POMT2: variants seen among roughly 807,000 people sequenced by gnomAD.
The protein encoded by POMT2 is protein O-mannosyltransferase 2.
A neutral mutation model predicts 100.0 loss-of-function variants in POMT2; 75 were observed. That is an observed-to-expected ratio of 0.75 (90% CI 0.62 to 0.91). The LOEUF (loss-of-function observed/expected upper bound fraction) is 0.91. Among genes scored for constraint, POMT2 ranks in the 40% least tolerant of loss-of-function variants. The pLI is 0.00. For missense variants in POMT2, 940 were observed against 955.1 expected (o/e 0.98, Z 0.21); for synonymous variants, 378 against 374.1 (o/e 1.01, Z -0.12).
At chr14:77,297,779 C>T (rs1438070894) in intron 8 of POMT2, among the ~76,000 whole-genome samples, 1 of 152,176 alleles carries the variant, frequency 6.6e-6, no homozygotes, top group African/African-American at 2.4e-5. Context: ...GGCTGCCCCA[C>T]CATACCCAGC....
intron 1 of POMT2, chr14:77,319,442 G>A (rs781029440): frequency 5.9e-5 from 9 of 152,140 alleles, no homozygotes; most frequent in Non-Finnish European, 7.3e-5. Context: ...CAGATTGCTC[G>A]TGCCTCTACA....
At chr14:77,294,713 G>A (rs1003765232) in intron 9 of POMT2, among the ~76,000 whole-genome samples, 6 of 152,126 alleles carry the variant, frequency 3.9e-5, no homozygotes, top group Non-Finnish European at 5.9e-5. Flanking sequence ...GCCTTCCACC[G>A]GGGTTGTGAG....
rs529289681 is a variant in POMT2, at chr14:77,307,526, G to A, written c.334-1085C>T. On this transcript the variant is annotated intron_variant, in intron 2 of 20. Coordinates refer to ENST00000261534, the MANE Select transcript of POMT2 (RefSeq NM_013382.7). ...TAGCTAGATGAACTAAAGCTGCCAA[G>A]TGGCAATCAAATGGATCCCTCTTCC... Among the ~76,000 whole-genome samples, 4 of 152,348 alleles carry A rather than the reference G, an allele frequency of 2.6e-5. No individual in the cohort carries two copies. The South Asian group carries it at 6.2e-4, about 24-fold the overall frequency.
At chr14:77,281,004 G>A (rs2140171549) in intron 15 of POMT2, among the ~76,000 whole-genome samples, 1 of 152,190 alleles carries the variant, frequency 6.6e-6, no homozygotes, top group East Asian at 1.9e-4. Flanking sequence ...TGAGGCAGGA[G>A]AACCACTTGA....
Position 77,320,565 on chromosome 14 carries a change from C to T in POMT2, c.117G>A (p.Ala39=). The T allele has an allele frequency of 6.4e-7, 1 of 1,571,056 alleles. No homozygotes were observed. The highest frequency in any genetic ancestry group is 8.6e-7 in the Non-Finnish European group (1 of 1,165,286). Reference sequence around the variant, plus strand: ...CCCAAGCAGGCCGTTTGGGGCTTCGCGCCACAGCCTCAGCGGCCACGTCCC... The same window carrying T: ...CCCAAGCAGGCCGTTTGGGGCTTCGTGCCACAGCCTCAGCGGCCACGTCCC... ...AGRDVAAEAV[A]RSPKRPAWGS... Residue 39 remains alanine, a synonymous_variant, in exon 1 of 21, where the codon GCG becomes GCA. Coordinates refer to ENST00000261534, the MANE Select transcript of POMT2 (RefSeq NM_013382.7).
intron 2 of POMT2, chr14:77,308,827 C>A: frequency 2.3e-6 from 1 of 442,710 alleles, no homozygotes. Flanking sequence ...AGCTTGGCTG[C>A]TGGGAATTTT....
chr14:77,280,064 C>T lies in POMT2; in HGVS notation c.1742G>A (p.Gly581Glu). 6.2e-7 allele frequency: 1 copy of T among 1,613,890 alleles called. No homozygotes were observed. Among genetic ancestry groups the T allele is most frequent in the South Asian group, 1.1e-5 (1 of 91,084 alleles). ...GACTCGGAAATCTGTGTCATTGACC[C>T]CTGAGAAGCGTAGGCCCTGTGGAAT... ...PINYQGLRFS[G>E]VNDTDFRVYL... The change falls in exon 17 of 21, where the codon GGG (glycine) becomes GAG (glutamate). Residue 581 changes from glycine (G) to glutamate (E), a missense_variant. By Grantham distance (98) the Gly-to-Glu change is moderately conservative (BLOSUM62 -2). Transcript: ENST00000261534.
At chr14:77,315,284 A>T (rs376430038) in intron 1 of POMT2, among the ~76,000 whole-genome samples, 1 of 152,326 alleles carries the variant, frequency 6.6e-6, no homozygotes, top group African/African-American at 2.4e-5. Flanking sequence ...GTCGTGATGC[A>T]AGCCTAGTGA....
chr14:77,306,285 T>C, intron 3 of POMT2, 52 bp downstream of exon 3: 1 of 1,604,216 alleles, frequency 6.2e-7, no homozygotes, highest in Non-Finnish European at 8.5e-7. Context: ...ACATTTCTGG[T>C]TTAGTGTGGC....
intron 11 of POMT2, 35 bp from the exon 12 acceptor site, chr14:77,286,857 T>C (rs759652281): frequency 6.2e-7 from 1 of 1,614,070 alleles, no homozygotes; most frequent in South Asian, 1.1e-5. Context: ...CATTATCCTA[T>C]AGAAAGATGA....
intron 9 of POMT2, among the ~76,000 whole-genome samples, chr14:77,294,017 A>C (rs530860550): frequency 6.6e-6 from 1 of 152,332 alleles, no homozygotes; most frequent in South Asian, 2.1e-4. Context: ...AAAATGCATA[A>C]TGCATGGGCC....
chr14:77,311,337 C>A (rs1380022630), intron 2 of POMT2, among the ~76,000 whole-genome samples: 1 of 152,100 alleles, frequency 6.6e-6, no homozygotes, highest in Non-Finnish European at 1.5e-5. Flanking sequence ...TTTTAAAATT[C>A]AGACAAATTC....
intron 11 of POMT2, among the ~76,000 whole-genome samples, chr14:77,288,446 G>T (rs1890517447): frequency 6.6e-6 from 1 of 152,168 alleles, no homozygotes; most frequent in Non-Finnish European, 1.5e-5. Flanking sequence ...TGAAGCGGGA[G>T]GATCGCTTGA....
chr14:77,320,471 T>C lies in POMT2; in HGVS notation c.211A>G (p.Thr71Ala). Residue 71 changes from threonine to alanine, a missense_variant, in exon 1 of 21, where the codon ACC (threonine) becomes GCC (alanine). Transcript: ENST00000261534. ...GGCTCGTCCAAGCGGTGGAAGCGGGTGGCGAAGGACAGCAGCGTCACCAAG... is the reference window on the plus strand; with the variant it reads ...GGCTCGTCCAAGCGGTGGAAGCGGGCGGCGAAGGACAGCAGCGTCACCAAG... ...LALVTLLSFA[T>A]RFHRLDEPPH... is the part of the protein sequence containing the mutation. The C allele has an allele frequency of 7.8e-6, 12 of 1,545,486 alleles. No homozygotes were observed. The highest frequency in any genetic ancestry group is 9.6e-6 in the Non-Finnish European group (11 of 1,147,168).
intron 15 of POMT2, among the ~76,000 whole-genome samples, chr14:77,283,328 GC>G (rs1321791408): frequency 6.6e-6 from 1 of 152,236 alleles, no homozygotes; most frequent in Non-Finnish European, 1.5e-5. Flanking sequence ...CAGGGGCTCT[GC>G]CACTTGGGCA....
chr14:77,305,315 T>C (rs1891186479), intron 3 of POMT2, among the ~76,000 whole-genome samples: 1 of 152,218 alleles, frequency 6.6e-6, no homozygotes, highest in Non-Finnish European at 1.5e-5. Flanking sequence ...GGAAAAGGGA[T>C]TGCTTGATAC....
intron 9 of POMT2, among the ~76,000 whole-genome samples, chr14:77,295,333 C>G (rs1004497683): frequency 1.3e-5 from 2 of 152,204 alleles, no homozygotes; most frequent in Non-Finnish European, 2.9e-5. Context: ...TTTTCCCCAA[C>G]TTAAAGAGGA....
In POMT2 at chr14:77,278,656, C is replaced by T. The variant is rs540878552; in HGVS notation, c.2032+73G>A. ...CCTCCCGTCAAGGAGCAGAGTCACT[C>T]CCAGCACTGCTGCCCAACAGTGGCC... On this transcript the variant is annotated intron_variant, in intron 19 of 20. Coordinates refer to ENST00000261534, the MANE Select transcript of POMT2 (RefSeq NM_013382.7). 1.0e-4 allele frequency: 162 copies of T among 1,589,514 alleles called. No homozygotes were observed. The African/African-American group carries it at 1.8e-3, about 17-fold the overall frequency.
chr14:77,316,909 G>T (rs1891651841), intron 1 of POMT2, among the ~76,000 whole-genome samples: 1 of 152,232 alleles, frequency 6.6e-6, no homozygotes, highest in African/African-American at 2.4e-5. Flanking sequence ...TGAGAAGTGT[G>T]GAAACACATC....
Sources: gnomAD v4.1 joint callset for allele counts (sites outside exome capture counted in the v4.1 genomes callset) on GRCh38, gnomAD v4.1.1 for gene constraint, MANE v1.5 for transcripts, NCBI Gene and HGNC (gene_info 2026-07-23, HGNC 2026-07-21) for gene names.